ZNRF3: variants seen among roughly 807,000 people sequenced by gnomAD.
ZNRF3 encodes the protein E3 ubiquitin-protein ligase ZNRF3.
Under a neutral mutation model 72.5 loss-of-function variants are expected in ZNRF3, and 23 were observed. The ratio of observed to expected loss-of-function variants is 0.32; its 90% CI spans 0.23 to 0.45. ZNRF3 has a LOEUF of 0.45. ZNRF3 is among the 20% of genes least tolerant of loss of function. The probability of loss-of-function intolerance (pLI) is 1.00; values close to 1 mark genes in which losing one functional copy is unlikely to be tolerated. For missense variants in ZNRF3, 1,169 were observed against 1,272.1 expected, an observed-to-expected ratio of 0.92 and a Z score of 1.23; for synonymous variants, 610 against 545.3, an observed-to-expected ratio of 1.12 and a Z score of -1.65.
intron 2 of ZNRF3, among the ~76,000 whole-genome samples, chr22:29,041,047 A>G (rs913772555): frequency 6.6e-6 from 1 of 152,228 alleles, no homozygotes; most frequent in African/African-American, 2.4e-5. Context: ...TGCGCGTCTT[A>G]TAGAAGGCTG....
chr22:28,947,727 T>C (rs111902684), intron 1 of ZNRF3, among the ~76,000 whole-genome samples: 103 of 152,368 alleles, frequency 6.8e-4, no homozygotes, highest in African/African-American at 2.3e-3. Context: ...TGTTATTGAA[T>C]CATAAGGGTA....
intron 2 of ZNRF3, among the ~76,000 whole-genome samples, chr22:29,035,732 C>G (rs77143126): frequency 6.6e-6 from 1 of 152,098 alleles, no homozygotes; most frequent in Non-Finnish European, 1.5e-5. Flanking sequence ...CACGCTGCCA[C>G]GCCCAGCTAA....
intron 1 of ZNRF3, among the ~76,000 whole-genome samples, chr22:28,983,002 T>C (rs2035793850): frequency 6.6e-6 from 1 of 152,014 alleles, no homozygotes; most frequent in African/African-American, 2.4e-5. Flanking sequence ...AGGGTGGAAG[T>C]GGGAAGGTGG....
intron 1 of ZNRF3, among the ~76,000 whole-genome samples, chr22:28,903,004 G>A (rs942887952): frequency 2.6e-5 from 4 of 151,976 alleles, no homozygotes; most frequent in African/African-American, 7.3e-5. Flanking sequence ...AACATGCTTA[G>A]TGCCTTTCTA....
intron 1 of ZNRF3, among the ~76,000 whole-genome samples, chr22:28,937,729 A>G (rs1056928562): frequency 2.6e-5 from 4 of 152,232 alleles, no homozygotes; most frequent in Non-Finnish European, 4.4e-5. Context: ...AAGGAAATGA[A>G]CATCGTCTTC....
intron 1 of ZNRF3, among the ~76,000 whole-genome samples, chr22:28,961,926 A>G (rs1158910052): frequency 6.6e-6 from 1 of 152,216 alleles, no homozygotes; most frequent in African/African-American, 2.4e-5. Context: ...TAAAAACAAC[A>G]TTTCCTCAGT....
chr22:29,053,855 C>G lies in ZNRF3; in HGVS notation c.*233C>G, dbSNP rs1461079687. ...CCGAGTCCTTTGCCTCTTTTGATAA[C>G]ATGTTGTTCTGTTTTGTAAAGTGTG... On this transcript the variant is annotated 3_prime_UTR_variant, in exon 9 of 9. Transcript: ENST00000544604. 4.4e-6 allele frequency: 2 copies of G among 457,754 alleles called. No homozygotes were observed. Among genetic ancestry groups the G allele is most frequent in the African/African-American group, 3.9e-5 (2 of 50,910 alleles). The allele number at this position is 457,754 out of a possible 1,614,324, so 28.4% of individuals were successfully genotyped here.
At position 29,048,507 on chromosome 22, in the gene ZNRF3, C is replaced by G; in HGVS notation, c.1015+16C>G. ...AACATCATAGGTAACTGTCACCCGC[C>G]TTAGCCATTGCTGAAGAGTCAAGTG... is the stretch of plus-strand genomic sequence containing the variant. On this transcript the variant is annotated intron_variant, in intron 7 of 8. Coordinates refer to ENST00000544604, the MANE Select transcript of ZNRF3 (RefSeq NM_001206998.2). The surrounding 1 kb of genome is among the most constrained non-coding windows in gnomAD (Gnocchi z 4.9). The G allele has an allele frequency of 6.2e-7, 1 of 1,613,046 alleles. No individual in the cohort carries two copies. Among genetic ancestry groups the G allele is most frequent in the Non-Finnish European group, 8.5e-7 (1 of 1,179,014 alleles).
In ZNRF3 at chr22:28,944,881, G is replaced by A. The variant is rs572945835; in HGVS notation, c.301-42195G>A. On this transcript the variant is annotated intron_variant, in intron 1 of 8. Coordinates refer to ENST00000544604, the MANE Select transcript of ZNRF3 (RefSeq NM_001206998.2). ...GTGGAGGTTGCAGTGAGTCAAGATC[G>A]TGCCACTGCACCCCAGCCTGGGCAA... Among the ~76,000 whole-genome samples the A allele has an allele frequency of 6.6e-5, 10 of 151,658 alleles. 1 individual carries two copies. In the South Asian group the frequency reaches 1.5e-3, roughly 22 times the overall value.
chr22:28,886,682 G>A (rs1385663041), intron 1 of ZNRF3, among the ~76,000 whole-genome samples: 1 of 152,160 alleles, frequency 6.6e-6, no homozygotes, highest in Non-Finnish European at 1.5e-5. Flanking sequence ...ATAGTAGCCA[G>A]GCATGGTGAC....
In ZNRF3 at chr22:29,049,482, G is replaced by C; in HGVS notation, c.1301G>C (p.Gly434Ala). The C allele has an allele frequency of 6.2e-7, 1 of 1,604,876 alleles. No individual in the cohort carries two copies. The highest frequency in any genetic ancestry group is 1.1e-5 in the South Asian group (1 of 90,958). ...LDHSLAAHRC[G>A]LEHRAYSPAH... ...CACAGCCTGGCCGCTCACCGCTGCG[G>C]CCTGGAGCACCGGGCCTACTCCCCA... Residue 434 changes from glycine to alanine, a missense_variant, in exon 8 of 9, where the codon GGC becomes GCC. Gly to Ala is a moderately conservative substitution (Grantham distance 60). This residue lies in a region of ZNRF3 where 783 missense variants were observed against 731.4 expected (regional missense o/e 1.07). Transcript: ENST00000544604. This position sits in a 1 kb window ranked among gnomAD's most constrained non-coding sequence, Gnocchi z 5.2.
At chr22:28,960,217 T>C (rs2035332049) in intron 1 of ZNRF3, among the ~76,000 whole-genome samples, 1 of 152,218 alleles carries the variant, frequency 6.6e-6, no homozygotes, top group Non-Finnish European at 1.5e-5. Context: ...ATGGGAGTTA[T>C]ATGTGTGGCT....
intron 2 of ZNRF3, among the ~76,000 whole-genome samples, chr22:29,014,961 G>A (rs923463305): frequency 2.6e-5 from 4 of 152,190 alleles, no homozygotes; most frequent in Non-Finnish European, 5.9e-5. Context: ...GCCTGCCTCC[G>A]CTCCGTCATC....
At chr22:28,923,872 G>T (rs2034550029) in intron 1 of ZNRF3, among the ~76,000 whole-genome samples, 1 of 152,382 alleles carries the variant, frequency 6.6e-6, no homozygotes, top group African/African-American at 2.4e-5. Flanking sequence ...ACGTCTAGAG[G>T]CTGGGTCTGG....
At chr22:28,890,427 G>C (rs1477982971) in intron 1 of ZNRF3, among the ~76,000 whole-genome samples, 2 of 152,162 alleles carry the variant, frequency 1.3e-5, no homozygotes. Flanking sequence ...GTGAACCCAG[G>C]AGGTGGAGGT....
rs760221006 is a variant in ZNRF3, at chr22:28,963,935, G to A, written c.301-23141G>A. On this transcript the variant is annotated intron_variant, in intron 1 of 8. Transcript: ENST00000544604. ...GTACCCAGCATCTAATGCCAGAGAC[G>A]GATGGTTAAAAAGAAAAGAAAGAAG... Among the ~76,000 whole-genome samples the A allele has an allele frequency of 2.3e-4, 35 of 152,194 alleles. No individual in the cohort carries two copies. In the Middle Eastern group the frequency reaches 0.014, roughly 59 times the overall value.
intron 1 of ZNRF3, among the ~76,000 whole-genome samples, chr22:28,916,256 G>C (rs970857841): frequency 6.6e-6 from 1 of 152,036 alleles, no homozygotes. Context: ...TAGAGGCGAG[G>C]TCTCACTAGG....
chr22:28,941,936 CAA>C (rs1490554070), intron 1 of ZNRF3, among the ~76,000 whole-genome samples: 1 of 152,150 alleles, frequency 6.6e-6, no homozygotes, highest in Non-Finnish European at 1.5e-5. Flanking sequence ...GCCTGGGCAA[CAA>C]GAGCTAAACT....
At chr22:28,966,879 T>C (rs2035474895) in intron 1 of ZNRF3, among the ~76,000 whole-genome samples, 1 of 144,436 alleles carries the variant, frequency 6.9e-6, no homozygotes, top group Non-Finnish European at 1.5e-5. Flanking sequence ...TTTTTTTTTT[T>C]TTTTTTTTTT....
Sources: allele counts gnomAD v4.1 joint callset (sites outside exome capture counted in the v4.1 genomes callset), GRCh38; gene constraint gnomAD v4.1.1; regional missense constraint gnomAD v4.1.1; non-coding constraint Gnocchi (gnomAD v3.1); transcripts MANE v1.5; gene names NCBI Gene and HGNC (gene_info 2026-07-23, HGNC 2026-07-21).